The following HNRNPM variants were observed in gnomAD, a reference collection of about 807,000 sequenced individuals.
The protein encoded by HNRNPM is CEA receptor.
Under a neutral mutation model 73.1 loss-of-function variants are expected in HNRNPM, and 11 were observed. The observed-to-expected ratio is 0.15, with a 90% CI of 0.09 to 0.25. HNRNPM has a LOEUF of 0.25. HNRNPM is among the 10% of genes least tolerant of loss of function. The pLI, the probability that HNRNPM is intolerant of heterozygous loss-of-function variation, is 1.00. For synonymous variants in HNRNPM, 407 were observed against 355.2 expected, an observed-to-expected ratio of 1.15 and a Z score of -1.64; for missense variants, 789 against 1,067.9, an observed-to-expected ratio of 0.74 and a Z score of 3.64.
intron 2 of HNRNPM, among the ~76,000 whole-genome samples, chr19:8,460,231 T>C (rs1216015845): frequency 6.6e-6 from 1 of 152,096 alleles, no homozygotes; most frequent in Non-Finnish European, 1.5e-5. Context: ...ATAAAATAAA[T>C]CTTTGCTTTG....
intron 3 of HNRNPM, 34 bp from the exon 4 acceptor site, chr19:8,463,463 T>C (rs1969528347): frequency 1.2e-5 from 20 of 1,611,864 alleles, no homozygotes; most frequent in Non-Finnish European, 1.7e-5. Context: ...TCCCCTTCCT[T>C]GCTCTTCTGA....
At chr19:8,455,673 G>A in intron 2 of HNRNPM, 99 bp downstream of exon 2, 2 of 870,068 alleles carry the variant, frequency 2.3e-6, no homozygotes, top group Non-Finnish European at 3.6e-6. Context: ...GCGGCTCTGG[G>A]TAGAGCATGT....
At position 8,474,218 on chromosome 19, in the gene HNRNPM, C is replaced by T; in HGVS notation, c.1094C>T (p.Ser365Phe). Residue 365 changes from serine to phenylalanine, a missense_variant, in exon 12 of 16, where the codon TCT (serine) becomes TTT (phenylalanine). Physicochemically the swap from Ser to Phe is radical, Grantham distance 155 (BLOSUM62 -2). Around this residue, in one of 4 missense-constraint regions of HNRNPM, gnomAD observed 604 missense variants for 744.0 expected, o/e 0.81. Coordinates refer to ENST00000325495, the MANE Select transcript of HNRNPM (RefSeq NM_005968.5). ...ATGGAAAACATGGGTCGATTTGGAT[C>T]TGGGATGAACATGGGCAGGATAAAT... ...GGMENMGRFG[S>F]GMNMGRINEI... 6.3e-7 allele frequency: 1 copy of T among 1,595,236 alleles called. No individual in the cohort carries two copies. The highest frequency in any genetic ancestry group is 8.5e-7 in the Non-Finnish European group (1 of 1,172,108).
intron 12 of HNRNPM, among the ~76,000 whole-genome samples, chr19:8,478,612 G>T (rs1241574555): frequency 6.6e-6 from 1 of 152,180 alleles, no homozygotes; most frequent in Non-Finnish European, 1.5e-5. Context: ...TTTTAAAAAA[G>T]ATGTTGTTTT....
chr19:8,446,161 T>C (rs2145594049), intron 1 of HNRNPM, among the ~76,000 whole-genome samples: 1 of 152,318 alleles, frequency 6.6e-6, no homozygotes, highest in African/African-American at 2.4e-5. Flanking sequence ...AGACATAACG[T>C]AGACTTTGCC....
At position 8,485,796 on chromosome 19, in the gene HNRNPM, C is replaced by T; in HGVS notation, c.1368C>T (p.Arg456=). The T allele has an allele frequency of 1.2e-6, 2 of 1,603,252 alleles. No individual in the cohort carries two copies. The highest frequency in any genetic ancestry group is 4.5e-5 in the East Asian group (2 of 44,736). Residue 456 remains arginine, a synonymous_variant, in exon 14 of 16, where the codon CGC becomes CGT. Coordinates refer to ENST00000325495, the MANE Select transcript of HNRNPM (RefSeq NM_005968.5). Reference sequence around the variant, plus strand: ...AGCGCATGGGCTCCGGCATTGAGCGCATGGGCCCGCTGGGCCTCGACCACA... The same window carrying T: ...AGCGCATGGGCTCCGGCATTGAGCGTATGGGCCCGCTGGGCCTCGACCACA... ...SVERMGSGIE[R]MGPLGLDHMA...
intron 1 of HNRNPM, among the ~76,000 whole-genome samples, chr19:8,454,843 G>C (rs546054508): frequency 6.0e-4 from 91 of 152,108 alleles, no homozygotes; most frequent in African/African-American, 2.1e-3. Context: ...CAGGGAGTTG[G>C]CCTCACCATT....
intron 2 of HNRNPM, among the ~76,000 whole-genome samples, chr19:8,457,177 T>C (rs1165058759): frequency 1.3e-5 from 2 of 152,202 alleles, no homozygotes; most frequent in East Asian, 3.8e-4. Context: ...TATTTTTTCA[T>C]TTTTAGGAGT....
In HNRNPM at chr19:8,479,078, C is replaced by CTTTTTTTT. The variant is rs74176651; in HGVS notation, c.1121-4063_1121-4056dup. On this transcript the variant is annotated intron_variant, in intron 12 of 15. Transcript: ENST00000325495. ...ATTTCCTCCTCTTTTTTCTTTCTTT[C>CTTTTTTTT]TTTTTTTTTTTTTTTTTTTTTTTTC... 5.6e-3 allele frequency among the ~76,000 whole-genome samples: 413 copies of CTTTTTTTT among 73,740 alleles called. 3 individuals are homozygous for CTTTTTTTT. Among genetic ancestry groups the CTTTTTTTT allele is most frequent in the Middle Eastern group, 0.014 (1 of 74 alleles). 48.4% of individuals were successfully genotyped at this position (73,740 alleles called of 152,430 possible).
At chr19:8,463,933 G>A in intron 5 of HNRNPM, 1 of 457,960 alleles carries the variant, frequency 2.2e-6, no homozygotes, top group Non-Finnish European at 4.0e-6. Context: ...CTGAGGCCTT[G>A]TTGTCTCAGG....
At position 8,488,686 on chromosome 19, in the gene HNRNPM, C is replaced by A. The variant is rs1971496159; in HGVS notation, c.2030-5C>A. The A allele has an allele frequency of 6.2e-7, 1 of 1,611,690 alleles. No homozygotes were observed. The highest frequency in any genetic ancestry group is 8.5e-7 in the Non-Finnish European group (1 of 1,178,428). ...GTGTCGTCTCTTCTTCCCTCCCTGT[C>A]CTAGGCCACGTGCTGTACGCCGACA... is the stretch of plus-strand genomic sequence containing the variant. On this transcript the variant is annotated splice_region_variant and splice_polypyrimidine_tract_variant and intron_variant, in intron 15 of 15. Coordinates refer to ENST00000325495, the MANE Select transcript of HNRNPM (RefSeq NM_005968.5).
In HNRNPM at chr19:8,465,423, C is replaced by T; in HGVS notation, c.538C>T (p.Pro180Ser). 1.2e-6 allele frequency: 2 copies of T among 1,613,732 alleles called. No homozygotes were observed. Among genetic ancestry groups the T allele is most frequent in the Non-Finnish European group, 1.7e-6 (2 of 1,179,692 alleles). Residue 180 changes from proline to serine, a missense_variant, in exon 6 of 16, where the codon CCA (proline) becomes TCA (serine). Transcript: ENST00000325495. ...GPGGPGMITI[P>S]PSILNNPNIP... ...AGGTGGCCCAGGAATGATTACTATCCCACCCAGTATCCTAAATAATCCCAA... is the reference window on the plus strand; with the variant it reads ...AGGTGGCCCAGGAATGATTACTATCTCACCCAGTATCCTAAATAATCCCAA...
chr19:8,456,242 A>C (rs1187020850), intron 2 of HNRNPM, among the ~76,000 whole-genome samples: 4 of 152,190 alleles, frequency 2.6e-5, no homozygotes, highest in African/African-American at 9.7e-5. Context: ...GAAGCAGCCA[A>C]GCTCTGCTGC....
intron 7 of HNRNPM, among the ~76,000 whole-genome samples, chr19:8,467,275 A>G (rs993873788): frequency 1.3e-5 from 2 of 152,204 alleles, no homozygotes; most frequent in Non-Finnish European, 2.9e-5. Flanking sequence ...CCACTGCTTA[A>G]GAGGATGGTT....
chr19:8,475,905 CTT>C (rs71175865), intron 12 of HNRNPM, among the ~76,000 whole-genome samples: 67,590 of 113,722 alleles, frequency 0.59, 21,194 homozygotes, highest in Non-Finnish European at 0.71. Flanking sequence ...CCATCTCTCT[CTT>C]TTTTTTTTTT....
Position 8,485,945 on chromosome 19 carries a change from A to G in HNRNPM, c.1517A>G (p.Gln506Arg), listed in dbSNP as rs1163594285. 1.2e-6 allele frequency: 2 copies of G among 1,603,864 alleles called. No homozygotes were observed. Among genetic ancestry groups the G allele is most frequent in the Admixed American group, 1.7e-5 (1 of 59,694 alleles). The change falls in exon 14 of 16, where the codon CAG (glutamine) becomes CGG (arginine). Residue 506 changes from glutamine (Q) to arginine (R), a missense_variant. Gln to Arg is a conservative substitution (Grantham distance 43, BLOSUM62 1). Around this residue, in one of 4 missense-constraint regions of HNRNPM, gnomAD observed 604 missense variants for 744.0 expected, o/e 0.81. Transcript: ENST00000325495. ...GCCGCTCCCATCGACCGTGTGGGCC[A>G]GACCATTGAGCGCATGGGCTCTGGC... The part of the protein sequence containing the change: ...RMAAPIDRVG[Q>R]TIERMGSGVE...
intron 2 of HNRNPM, among the ~76,000 whole-genome samples, chr19:8,459,580 A>C (rs1379865374): frequency 6.6e-6 from 1 of 151,424 alleles, no homozygotes; most frequent in Non-Finnish European, 1.5e-5. Flanking sequence ...AACTCCTGTT[A>C]AAAAAAAATA....
chr19:8,475,347 G>A lies in HNRNPM; in HGVS notation c.1120+1103G>A, dbSNP rs74762709. Among the ~76,000 whole-genome samples, 189 of 152,368 alleles carry A rather than the reference G, an allele frequency of 1.2e-3. 1 individual carries two copies. Among genetic ancestry groups the A allele is most frequent in the African/African-American group, 4.3e-3 (178 of 41,590 alleles). On this transcript the variant is annotated intron_variant, in intron 12 of 15. Coordinates refer to ENST00000325495, the MANE Select transcript of HNRNPM (RefSeq NM_005968.5). ...TTTTCCTTTTTGAAATCCTTTATGT[G>A]TTGGTGACTCTTTGACCTTCCCCTT...
At chr19:8,463,721 T>A in intron 5 of HNRNPM, 35 bp downstream of exon 5, 1 of 1,377,422 alleles carries the variant, frequency 7.3e-7, no homozygotes, top group Non-Finnish European at 1.0e-6. Flanking sequence ...ATACTGTGTG[T>A]AATTGTTGAG....
Sources: allele counts gnomAD v4.1 joint callset (sites outside exome capture counted in the v4.1 genomes callset), GRCh38; gene constraint gnomAD v4.1.1; regional missense constraint gnomAD v4.1.1; transcripts MANE v1.5; gene names NCBI Gene and HGNC (gene_info 2026-07-23, HGNC 2026-07-21).